RORA: variants seen among roughly 807,000 people sequenced by gnomAD.
RORA encodes the protein RAR related orphan receptor A.
In RORA, 7 loss-of-function variants were observed where a neutral mutation model predicts 69.5. The ratio of observed to expected loss-of-function variants is 0.10; its 90% CI spans 0.06 to 0.19. The LOEUF is 0.19. Ranked by LOEUF, RORA falls within the 10% of genes least tolerant of loss-of-function variation. The pLI is 1.00. For missense variants in RORA, 457 were observed against 663.0 expected (o/e 0.69, Z 3.41); for synonymous variants, 261 against 240.8 (o/e 1.08, Z -0.78).
At chr15:61,185,952 C>T (rs2079737320) in intron 1 of RORA, among the ~76,000 whole-genome samples, 1 of 152,182 alleles carries the variant, frequency 6.6e-6, no homozygotes, top group Non-Finnish European at 1.5e-5. Flanking sequence ...AACTCCTATA[C>T]ATCCTTCACC....
chr15:60,916,853 T>A (rs2140485215), intron 1 of RORA, among the ~76,000 whole-genome samples: 1 of 152,344 alleles, frequency 6.6e-6, no homozygotes, highest in South Asian at 2.1e-4. Context: ...CAGGGCCTAA[T>A]CAGAACATGC....
intron 1 of RORA, among the ~76,000 whole-genome samples, chr15:60,922,705 C>T (rs1043003980): frequency 4.6e-5 from 7 of 152,166 alleles, no homozygotes; most frequent in Non-Finnish European, 1.0e-4. Flanking sequence ...CTTTGGCCAC[C>T]AATCACATAA....
At position 60,678,648 on chromosome 15, in the gene RORA, A is replaced by G; in HGVS notation, c.196+9T>C. ...AAAACTTTGGACAGAAAAAAAATGC[A>G]TTACTTACATGTATGTGTCTTCTTC... On this transcript the variant is annotated intron_variant, in intron 2 of 10. Transcript: ENST00000335670. 1 of 1,608,528 alleles carries G rather than the reference A, an allele frequency of 6.2e-7. No individual in the cohort carries two copies. Among genetic ancestry groups the G allele is most frequent in the Non-Finnish European group, 8.5e-7 (1 of 1,175,002 alleles).
chr15:60,699,530 T>A (rs2070952692), intron 1 of RORA, among the ~76,000 whole-genome samples: 1 of 152,174 alleles, frequency 6.6e-6, no homozygotes, highest in East Asian at 1.9e-4. Flanking sequence ...CCCAAAACAT[T>A]TACATGTAGA....
intron 1 of RORA, 115 bp downstream of exon 1, chr15:61,228,938 C>T: frequency 3.6e-6 from 1 of 279,616 alleles, no homozygotes; most frequent in Non-Finnish European, 5.3e-6. Flanking sequence ...GGGGCGCCGC[C>T]GCAGGCTCGC....
intron 1 of RORA, among the ~76,000 whole-genome samples, chr15:61,204,507 T>C (rs1425391691): frequency 6.6e-6 from 1 of 152,004 alleles, no homozygotes; most frequent in Admixed American, 6.6e-5. Context: ...CGTATGTGAG[T>C]AGGGGAAGGA....
intron 1 of RORA, among the ~76,000 whole-genome samples, chr15:60,857,820 G>A (rs1431105114): frequency 6.6e-6 from 1 of 152,184 alleles, no homozygotes; most frequent in African/African-American, 2.4e-5. Flanking sequence ...CAAAATTATA[G>A]GATCCCAGGA....
At chr15:60,873,263 CTGTGTG>C (rs2073578337) in intron 1 of RORA, among the ~76,000 whole-genome samples, 1 of 123,400 alleles carries the variant, frequency 8.1e-6, no homozygotes, top group African/African-American at 2.7e-5. Context: ...GTGTGTGTGT[CTGTGTG>C]TGTGTGTCTG....
At chr15:61,167,053 C>CA (rs2079544524) in intron 1 of RORA, among the ~76,000 whole-genome samples, 1 of 152,262 alleles carries the variant, frequency 6.6e-6, no homozygotes, top group African/African-American at 2.4e-5. Context: ...CACACATACA[C>CA]AAAATCACAG....
At chr15:60,525,580 G>A (rs1256322549) in intron 3 of RORA, among the ~76,000 whole-genome samples, 2 of 152,182 alleles carry the variant, frequency 1.3e-5, no homozygotes, top group Non-Finnish European at 1.5e-5. Flanking sequence ...AATGGCAGAC[G>A]CTTTGGAACG....
chr15:60,789,526 A>G (rs1034694639), intron 1 of RORA, among the ~76,000 whole-genome samples: 1 of 152,228 alleles, frequency 6.6e-6, no homozygotes, highest in Non-Finnish European at 1.5e-5. Context: ...CATTGCACCG[A>G]CTATCCATAC....
chr15:61,107,579 G>C (rs1320915775), intron 1 of RORA, among the ~76,000 whole-genome samples: 7 of 151,888 alleles, frequency 4.6e-5, no homozygotes, highest in Non-Finnish European at 1.0e-4. Flanking sequence ...GGAAGAAAAA[G>C]TTGTCAAACA....
chr15:60,618,989 G>T (rs544694610), intron 2 of RORA, among the ~76,000 whole-genome samples: 1 of 152,312 alleles, frequency 6.6e-6, no homozygotes, highest in East Asian at 1.9e-4. Flanking sequence ...AAACTTGACA[G>T]GTATTCTCAC....
chr15:61,130,709 GAGC>G (rs1374368883), intron 1 of RORA, among the ~76,000 whole-genome samples: 46 of 152,270 alleles, frequency 3.0e-4, no homozygotes, highest in Non-Finnish European at 6.2e-4. Context: ...ACAGTACTTG[GAGC>G]AGAAGTACTT....
At chr15:61,024,008 CA>C (rs150805597) in intron 1 of RORA, among the ~76,000 whole-genome samples, 10,406 of 152,026 alleles carry the variant, frequency 0.068, 398 homozygotes, top group East Asian at 0.15. Flanking sequence ...TCTATGGAAA[CA>C]AAAAATGCAT....
intron 1 of RORA, among the ~76,000 whole-genome samples, chr15:60,897,573 T>C (rs1891263720): frequency 6.6e-6 from 1 of 152,242 alleles, no homozygotes; most frequent in Admixed American, 6.5e-5. Context: ...TGCTCAGGGA[T>C]GAACCCATGT....
intron 1 of RORA, among the ~76,000 whole-genome samples, chr15:60,750,667 A>T (rs891668383): frequency 2.6e-5 from 4 of 152,230 alleles, no homozygotes; most frequent in African/African-American, 9.6e-5. Context: ...AGAGCAAAAG[A>T]GGACCATGGA....
chr15:60,922,602 A>G (rs1892085297), intron 1 of RORA, among the ~76,000 whole-genome samples: 1 of 152,238 alleles, frequency 6.6e-6, no homozygotes, highest in Non-Finnish European at 1.5e-5. Context: ...ATCAAGATCC[A>G]AACAAGGTAT....
At chr15:60,761,825 C>T (rs557491090) in intron 1 of RORA, among the ~76,000 whole-genome samples, 7 of 152,138 alleles carry the variant, frequency 4.6e-5, no homozygotes, top group African/African-American at 1.7e-4. Context: ...CACTTATGCA[C>T]GGTTCAGTTT....
Sources: gnomAD v4.1 joint callset for allele counts (sites outside exome capture counted in the v4.1 genomes callset) on GRCh38, gnomAD v4.1.1 for gene constraint, MANE v1.5 for transcripts, NCBI Gene and HGNC (gene_info 2026-07-23, HGNC 2026-07-21) for gene names.